SEPTIN11: variants seen among roughly 807,000 people sequenced by gnomAD.
SEPTIN11 encodes septin 11, also known as septin-11.
In SEPTIN11, 25 loss-of-function variants were observed where a neutral mutation model predicts 51.4. That is an observed-to-expected ratio of 0.49 (90% confidence interval 0.35 to 0.68). SEPTIN11 has a LOEUF of 0.68. Ranked by LOEUF, SEPTIN11 falls within the 30% of genes least tolerant of loss-of-function variation. The pLI, the probability that SEPTIN11 is intolerant of heterozygous loss-of-function variation, is 0.00. For synonymous variants in SEPTIN11, 174 were observed against 184.1 expected, an observed-to-expected ratio of 0.95 and a Z score of 0.44; for missense variants, 381 against 520.8, an observed-to-expected ratio of 0.73 and a Z score of 2.61.
At chr4:76,979,020 T>C (rs1385281456) in intron 1 of SEPTIN11, among the ~76,000 whole-genome samples, 1 of 152,182 alleles carries the variant, frequency 6.6e-6, no homozygotes, top group Non-Finnish European at 1.5e-5. Context: ...TCCATGGCTG[T>C]TGTTTTTGGT....
At chr4:76,963,681 ATTTACAC>A (rs1721911651) in intron 1 of SEPTIN11, among the ~76,000 whole-genome samples, 1 of 152,234 alleles carries the variant, frequency 6.6e-6, no homozygotes, top group Admixed American at 6.5e-5. Flanking sequence ...ATTTTAATTA[ATTTACAC>A]TTAAACAGCC....
chr4:76,958,486 C>T (rs901395974), intron 1 of SEPTIN11, among the ~76,000 whole-genome samples: 12 of 152,194 alleles, frequency 7.9e-5, no homozygotes, highest in Non-Finnish European at 1.8e-4. Context: ...GGTCACTTCC[C>T]AGGACTCACA....
At position 77,030,911 on chromosome 4, in the gene SEPTIN11, A is replaced by G. The variant is rs372566578; in HGVS notation, c.1215A>G (p.Leu405=). 12 of 1,613,418 alleles carry G rather than the reference A, an allele frequency of 7.4e-6. No individual in the cohort carries two copies. The highest frequency in any genetic ancestry group is 9.3e-6 in the Non-Finnish European group (11 of 1,179,910). The change falls in exon 9 of 10, where the codon CTA becomes CTG. Residue 405 remains leucine, a synonymous_variant. Coordinates refer to ENST00000264893, the MANE Select transcript of SEPTIN11 (RefSeq NM_018243.4). The stretch of plus-strand genomic sequence containing the variant: ...AGAAGAAAGCAGCGGCTCAGTTACT[A>G]CAGTCCCAGGCCCAGCAATCTGGGG... The part of the protein sequence containing the change: ...FQKKKAAAQL[L]QSQAQQSGAQ...
intron 1 of SEPTIN11, among the ~76,000 whole-genome samples, chr4:76,993,961 A>C (rs894878640): frequency 2.0e-5 from 3 of 152,170 alleles, no homozygotes; most frequent in African/African-American, 7.2e-5. Context: ...GATGAGAGCT[A>C]TAATTACTAA....
At chr4:76,971,708 G>A (rs1334553927) in intron 1 of SEPTIN11, among the ~76,000 whole-genome samples, 1 of 152,040 alleles carries the variant, frequency 6.6e-6, no homozygotes, top group Non-Finnish European at 1.5e-5. Context: ...CAACACTTAC[G>A]AAGATGCCAA....
chr4:76,956,758 A>T (rs1721572232), intron 1 of SEPTIN11, among the ~76,000 whole-genome samples: 1 of 152,180 alleles, frequency 6.6e-6, no homozygotes, highest in African/African-American at 2.4e-5. Context: ...TCCTGTAAAG[A>T]GTGGCTCTGA....
At chr4:76,958,835 T>A in intron 1 of SEPTIN11, 1 of 1,423,656 alleles carries the variant, frequency 7.0e-7, no homozygotes, top group South Asian at 1.2e-5. Flanking sequence ...CAATGGCTGG[T>A]TATATTTTCA....
At chr4:77,039,403 C>T (rs1262334333), downstream of SEPTIN11, 1 of 1,051,058 alleles carries the variant, frequency 9.5e-7, no homozygotes, top group Non-Finnish European at 1.1e-6. Flanking sequence ...TTGCTTAGAA[C>T]TATCATGTTC....
At chr4:77,015,048 A>C in intron 5 of SEPTIN11, 31 bp downstream of exon 5, 1 of 1,605,504 alleles carries the variant, frequency 6.2e-7, no homozygotes, top group Non-Finnish European at 8.5e-7. Flanking sequence ...GGAACAAGTG[A>C]TTTTTATGAA....
At chr4:76,987,712 G>A (rs1319544950) in intron 1 of SEPTIN11, 2 of 234,898 alleles carry the variant, frequency 8.5e-6, no homozygotes, top group Non-Finnish European at 1.4e-5. Context: ...CGGACAGTTC[G>A]TGAGGCCAGA....
At chr4:76,975,683 G>C (rs1722465229) in intron 1 of SEPTIN11, among the ~76,000 whole-genome samples, 2 of 151,880 alleles carry the variant, frequency 1.3e-5, no homozygotes, top group Non-Finnish European at 2.9e-5. Flanking sequence ...ACCTCACATA[G>C]GTATGTGGTT....
At chr4:77,019,871 G>A (rs985245092) in intron 6 of SEPTIN11, among the ~76,000 whole-genome samples, 16 of 152,202 alleles carry the variant, frequency 1.1e-4, no homozygotes, top group Admixed American at 6.5e-5. Flanking sequence ...GGTTTAAGAT[G>A]TATCAGACCT....
downstream of SEPTIN11, chr4:77,039,110 C>G: frequency 7.8e-7 from 1 of 1,289,304 alleles, no homozygotes; most frequent in Non-Finnish European, 1.0e-6. Flanking sequence ...ACAAGCCCTA[C>G]TCTCTCCTAA....
At chr4:76,986,796 A>G (rs1187475722) in intron 1 of SEPTIN11, among the ~76,000 whole-genome samples, 2 of 152,204 alleles carry the variant, frequency 1.3e-5, no homozygotes, top group Non-Finnish European at 2.9e-5. Context: ...TTTATTTAGT[A>G]TTATTGTTAT....
downstream of SEPTIN11, chr4:77,038,732 T>C: frequency 4.8e-6 from 4 of 837,408 alleles, no homozygotes; most frequent in Non-Finnish European, 6.0e-6. Flanking sequence ...CCTCGTGTGG[T>C]AGACTTCAAA....
intron 7 of SEPTIN11, among the ~76,000 whole-genome samples, chr4:77,027,960 T>C (rs1407278653): frequency 6.6e-6 from 1 of 152,060 alleles, no homozygotes; most frequent in Non-Finnish European, 1.5e-5. Context: ...ACTGGTAATA[T>C]ACTTGAAAAG....
In SEPTIN11 at chr4:77,037,298, G is replaced by A; in HGVS notation, c.*2786G>A. On this transcript the variant is annotated 3_prime_UTR_variant, in exon 10 of 10. Coordinates refer to ENST00000264893, the MANE Select transcript of SEPTIN11 (RefSeq NM_018243.4). The stretch of plus-strand genomic sequence containing the variant: ...AATTGCTTGAACTTGGGAGATGGAG[G>A]TTGCAGTGAGCCAAGATTGCACCAC... 2 of 815,970 alleles carry A rather than the reference G, an allele frequency of 2.5e-6. No homozygotes were observed. Among genetic ancestry groups the A allele is most frequent in the Non-Finnish European group, 3.0e-6 (2 of 675,582 alleles). The allele number at this position is 815,970 out of a possible 1,614,324, so 50.5% of individuals were successfully genotyped here.
At position 77,036,603 on chromosome 4, in the gene SEPTIN11, T is replaced by C; in HGVS notation, c.*2091T>C. 6.9e-7 allele frequency: 1 copy of C among 1,447,724 alleles called. No homozygotes were observed. Among genetic ancestry groups the C allele is most frequent in the Non-Finnish European group, 9.0e-7 (1 of 1,110,410 alleles). The allele number at this position is 1,447,724 out of a possible 1,614,324, so 89.7% of individuals were successfully genotyped here. ...ATTAAATTTTTCCCAGCAAAATAAA[T>C]CATATGGCGAGTCAGGGAATAAAAA... On this transcript the variant is annotated 3_prime_UTR_variant, in exon 10 of 10. Transcript: ENST00000264893.
intron 1 of SEPTIN11, among the ~76,000 whole-genome samples, chr4:76,962,710 T>C (rs538633537): frequency 1.3e-5 from 2 of 152,358 alleles, no homozygotes; most frequent in East Asian, 1.9e-4. Flanking sequence ...GTTTCTCTTA[T>C]GTTAGTCCAG....
Sources: gnomAD v4.1 joint callset for allele counts (sites outside exome capture counted in the v4.1 genomes callset) on GRCh38, gnomAD v4.1.1 for gene constraint, MANE v1.5 for transcripts, NCBI Gene and HGNC (gene_info 2026-07-23, HGNC 2026-07-21) for gene names.